The following MYO9A variants were observed in gnomAD, a reference collection of about 807,000 sequenced individuals.
MYO9A encodes the protein myosin IXA.
A neutral mutation model predicts 293.3 loss-of-function variants in MYO9A; 103 were observed. The observed-to-expected ratio is 0.35, with a 90% CI of 0.30 to 0.41. MYO9A has a LOEUF of 0.41. MYO9A is among the 10% of genes least tolerant of loss of function. MYO9A has a pLI of 1.00. For synonymous variants in MYO9A, 1,001 were observed against 1,035.7 expected (o/e 0.97, Z 0.64); for missense variants, 2,685 against 3,033.0 (o/e 0.89, Z 2.69).
At chr15:71,976,843 T>C (rs547292357) in intron 12 of MYO9A, among the ~76,000 whole-genome samples, 1 of 152,378 alleles carries the variant, frequency 6.6e-6, no homozygotes, top group African/African-American at 2.4e-5. Context: ...CTTCTTTCTG[T>C]TAGCTTTTTA....
At chr15:72,008,170 A>G (rs987192337) in intron 7 of MYO9A, among the ~76,000 whole-genome samples, 2 of 152,186 alleles carry the variant, frequency 1.3e-5, no homozygotes, top group Non-Finnish European at 2.9e-5. Context: ...ACCACTTCTT[A>G]TATAGTCATT....
rs368514971 is a variant in MYO9A at position 71,878,097 on chromosome 15, T to C, written c.5874A>G (p.Lys1958=). ...SPVRVWVNTF[K]VFLDEYMNEF... ...CATTCATATATTCATCTAAAAACAC[T>C]TTAAAAGTGTTGACCCAAACTCTCA... is the stretch of plus-strand genomic sequence containing the variant. Residue 1958 remains lysine, a synonymous_variant, in exon 31 of 42, where the codon AAA becomes AAG. Transcript: ENST00000356056. 19 of 1,611,420 alleles carry C rather than the reference T, an allele frequency of 1.2e-5. No individual in the cohort carries two copies. The African/African-American group carries it at 2.5e-4, about 22-fold the overall frequency.
intron 1 of MYO9A, among the ~76,000 whole-genome samples, chr15:72,087,600 C>T (rs1035961989): frequency 6.6e-6 from 1 of 152,138 alleles, no homozygotes; most frequent in Non-Finnish European, 1.5e-5. Context: ...GCAGGGTTCC[C>T]AGGTTCCTCC....
Position 72,051,227 on chromosome 15 carries a change from G to C in MYO9A, c.-71-4593C>G, listed in dbSNP as rs377760545. 3.3e-5 allele frequency among the ~76,000 whole-genome samples: 5 copies of C among 152,326 alleles called. No individual in the cohort carries two copies. In the East Asian group the frequency reaches 7.7e-4, roughly 24 times the overall value. ...CTGTAAGTGCATGCCACCGATGGCA[G>C]CAGCGGCCCATCTATAGCGGCCACT... On this transcript the variant is annotated intron_variant, in intron 1 of 41. Coordinates refer to ENST00000356056, the MANE Select transcript of MYO9A (RefSeq NM_006901.4).
intron 16 of MYO9A, among the ~76,000 whole-genome samples, chr15:71,936,267 G>A (rs1201101887): frequency 2.0e-5 from 3 of 152,124 alleles, no homozygotes; most frequent in Non-Finnish European, 2.9e-5. Flanking sequence ...TAAATAAGCT[G>A]CTCTCACAGA....
rs1357832760 is a variant in MYO9A, at chr15:71,951,768, T to C, written c.2302+9A>G. ...TGTGATAACAGTTTATCAGGATTTG[T>C]AGCCTTACTGTACTTCTCTTCCTTG... On this transcript the variant is annotated intron_variant, in intron 15 of 41. Coordinates refer to ENST00000356056, the MANE Select transcript of MYO9A (RefSeq NM_006901.4). 6.2e-6 allele frequency: 10 copies of C among 1,613,730 alleles called. No individual in the cohort carries two copies. Among genetic ancestry groups the C allele is most frequent in the South Asian group, 1.1e-5 (1 of 91,058 alleles).
rs2056666304 is a variant in MYO9A, at chr15:71,875,853, G to C, written c.5932-15C>G. 1 of 1,321,816 alleles carries C rather than the reference G, an allele frequency of 7.6e-7. No homozygotes were observed. The highest frequency in any genetic ancestry group is 2.9e-5 in the East Asian group (1 of 34,384). The allele number at this position is 1,321,816 out of a possible 1,614,324, so 81.9% of individuals were successfully genotyped here. A position where few individuals can be genotyped will look rare whatever the true frequency, so the allele number is the denominator to read the frequency against. On this transcript the variant is annotated splice_polypyrimidine_tract_variant and intron_variant, in intron 31 of 41. Transcript: ENST00000356056. ...GTTTTTGGCACCTGACAGGGGGACA[G>C]GAGATATATGGAAATTGTGATAACA...
chr15:71,955,360 C>T (rs1040465257), intron 14 of MYO9A, among the ~76,000 whole-genome samples: 1 of 152,174 alleles, frequency 6.6e-6, no homozygotes, highest in Admixed American at 6.5e-5. Context: ...AACTCCTGAC[C>T]TCAGGTGATC....
chr15:71,884,510 G>A (rs1178736948), intron 27 of MYO9A, among the ~76,000 whole-genome samples: 1 of 152,194 alleles, frequency 6.6e-6, no homozygotes, highest in East Asian at 1.9e-4. Flanking sequence ...ATATGTTACA[G>A]GTGAAAAACT....
chr15:72,083,760 C>A (rs938264082), intron 1 of MYO9A, among the ~76,000 whole-genome samples: 20 of 152,094 alleles, frequency 1.3e-4, no homozygotes, highest in African/African-American at 4.8e-4. Context: ...TCATGGTTTA[C>A]CCAAAAGTCA....
chr15:72,113,733 C>G (rs569257793), intron 1 of MYO9A, among the ~76,000 whole-genome samples: 1 of 152,280 alleles, frequency 6.6e-6, no homozygotes, highest in African/African-American at 2.4e-5. Flanking sequence ...CCCATATATA[C>G]ATACAAACAC....
chr15:71,829,935 C>T (rs1379936307), intron 40 of MYO9A, among the ~76,000 whole-genome samples, 174 bp downstream of exon 40: 1 of 152,176 alleles, frequency 6.6e-6, no homozygotes, highest in Non-Finnish European at 1.5e-5. Flanking sequence ...GAACAACTCT[C>T]ACACTGTTAC....
chr15:71,927,968 T>A (rs1285583428), intron 18 of MYO9A, among the ~76,000 whole-genome samples: 1 of 136,162 alleles, frequency 7.3e-6, no homozygotes, highest in African/African-American at 2.6e-5. Flanking sequence ...TACTTTTCCA[T>A]TGGTTAATGT....
At chr15:71,984,642 G>T (rs1308078696) in intron 11 of MYO9A, among the ~76,000 whole-genome samples, 1 of 151,802 alleles carries the variant, frequency 6.6e-6, no homozygotes, top group Non-Finnish European at 1.5e-5. Context: ...CATTCATTAG[G>T]CTCAGTATTT....
chr15:71,896,133 A>C (rs1468530561), intron 25 of MYO9A, among the ~76,000 whole-genome samples: 1 of 152,206 alleles, frequency 6.6e-6, no homozygotes, highest in African/African-American at 2.4e-5. Flanking sequence ...GCTCAACTGC[A>C]CTTTGTAATA....
At chr15:72,073,877 G>C (rs2042364783) in intron 1 of MYO9A, among the ~76,000 whole-genome samples, 1 of 152,122 alleles carries the variant, frequency 6.6e-6, no homozygotes, top group Non-Finnish European at 1.5e-5. Flanking sequence ...CCTGGGACAA[G>C]TTATTTAACT....
intron 12 of MYO9A, 36 bp from the exon 13 acceptor site, chr15:71,968,161 A>G: frequency 6.7e-7 from 1 of 1,486,544 alleles, no homozygotes; most frequent in East Asian, 2.3e-5. Flanking sequence ...ATCATTACAG[A>G]AAGATGAGAA....
intron 31 of MYO9A, among the ~76,000 whole-genome samples, chr15:71,876,224 G>A (rs1336708041): frequency 1.4e-5 from 2 of 147,976 alleles, no homozygotes; most frequent in Non-Finnish European, 3.0e-5. Flanking sequence ...TAGGCTCACT[G>A]CAACCTCTGC....
chr15:72,045,729 G>A lies in MYO9A; in HGVS notation c.835C>T (p.Leu279Phe). ...TAAGATTTCTATATATTTACCTCAA[G>A]TACTGGTCCAGCTCCAAGAATAATC... ...EQIILGAGPV[L>F]EAFGNAKTAH... Residue 279 changes from leucine to phenylalanine, a missense_variant, in exon 2 of 42, where the codon CTT becomes TTT. Coordinates refer to ENST00000356056, the MANE Select transcript of MYO9A (RefSeq NM_006901.4). 1 of 1,588,360 alleles carries A rather than the reference G, an allele frequency of 6.3e-7. No individual in the cohort carries two copies. The highest frequency in any genetic ancestry group is 8.5e-7 in the Non-Finnish European group (1 of 1,170,142).
Sources: allele counts gnomAD v4.1 joint callset (sites outside exome capture counted in the v4.1 genomes callset), GRCh38; gene constraint gnomAD v4.1.1; transcripts MANE v1.5; gene names NCBI Gene and HGNC (gene_info 2026-07-23, HGNC 2026-07-21).